The following RC3H2 variants were observed in gnomAD, a reference collection of about 807,000 sequenced individuals.
The protein encoded by RC3H2 is roquin-2.
A neutral mutation model predicts 133.3 loss-of-function variants in RC3H2; 31 were observed. The ratio of observed to expected loss-of-function variants is 0.23; its 90% CI spans 0.17 to 0.31. RC3H2 has a LOEUF of 0.31. RC3H2 is among the 10% of genes least tolerant of loss of function. RC3H2 has a pLI of 1.00. For missense variants in RC3H2, 1,175 were observed against 1,437.2 expected, an observed-to-expected ratio of 0.82 and a Z score of 2.95; for synonymous variants, 517 against 502.2, an observed-to-expected ratio of 1.03 and a Z score of -0.40.
At position 122,854,198 on chromosome 9, in the gene RC3H2, A is replaced by T. The variant is rs1375771015; in HGVS notation, c.2969T>A (p.Leu990His). ...TACAGAGCCTACCTGCTGAAGTTCAAGGCTCAAAAGGTCCCCAGTACTGGA... is the reference window on the plus strand; with the variant it reads ...TACAGAGCCTACCTGCTGAAGTTCATGGCTCAAAAGGTCCCCAGTACTGGA... ...KHSSTGDLLS[L>H]ELQQAKSNSL... Residue 990 changes from leucine (L) to histidine (H), a missense_variant, in exon 17 of 21, where the codon CTT (leucine) becomes CAT (histidine). Transcript: ENST00000357244. 6.2e-7 allele frequency: 1 copy of T among 1,613,934 alleles called. No homozygotes were observed.
At chr9:122,851,967 G>A (rs1830041836) in intron 18 of RC3H2, among the ~76,000 whole-genome samples, 1 of 150,768 alleles carries the variant, frequency 6.6e-6, no homozygotes, top group South Asian at 2.1e-4. Flanking sequence ...CATCGTCTGG[G>A]ATGTGAGGAG....
rs748716263 is a variant in RC3H2, at chr9:122,859,990, A to C, written c.1776T>G (p.His592Gln). 1 of 1,614,198 alleles carries C rather than the reference A, an allele frequency of 6.2e-7. No individual in the cohort carries two copies. The change falls in exon 11 of 21, where the codon CAT becomes CAG. Residue 592 changes from histidine (H) to glutamine (Q), a missense_variant. His to Gln is a conservative substitution (Grantham distance 24). Coordinates refer to ENST00000357244, the MANE Select transcript of RC3H2 (RefSeq NM_001100588.3). ...CTTGAAAATACTGAATGTTTTCAGA[A>C]TGCGGAGGATATACTGGTACTCTAG... ...FLTRVPVYPP[H>Q]SENIQYFQDP...
rs1376780296 is a variant in RC3H2 at position 122,869,222 on chromosome 9, A to G, written c.1326-3565T>C. 3.9e-5 allele frequency among the ~76,000 whole-genome samples: 6 copies of G among 152,196 alleles called. No homozygotes were observed. In the East Asian group the frequency reaches 1.2e-3, roughly 29 times the overall value. ...TGCCTGGCCCCTACAACATTTTTAA[A>G]GCGGTGAAAAATTAAGTTCACGAAC... On this transcript the variant is annotated intron_variant, in intron 9 of 20. Transcript: ENST00000357244.
intron 18 of RC3H2, 53 bp downstream of exon 18, chr9:122,853,899 G>A: frequency 6.2e-7 from 1 of 1,614,178 alleles, no homozygotes; most frequent in South Asian, 1.1e-5. Context: ...CCAAGATGCA[G>A]CAGCAGAAAA....
At chr9:122,857,574 T>C (rs981572180) in intron 13 of RC3H2, among the ~76,000 whole-genome samples, 1 of 152,220 alleles carries the variant, frequency 6.6e-6, no homozygotes, top group Admixed American at 6.5e-5. Context: ...CTAAGGTTTT[T>C]GTGAGAATTA....
In RC3H2 at chr9:122,883,240, A is replaced by G. The variant is rs746450586; in HGVS notation, c.723T>C (p.His241=). 1.9e-6 allele frequency: 3 copies of G among 1,613,782 alleles called. No individual in the cohort carries two copies. Among genetic ancestry groups the G allele is most frequent in the Middle Eastern group, 1.7e-4 (1 of 6,058 alleles). The change falls in exon 5 of 21, where the codon CAT becomes CAC. Residue 241 remains histidine, a synonymous_variant. Transcript: ENST00000357244. ...AAGCTCGATACAGTAGTTGCACAAC[A>G]TGACCAATACTTGTTTTTGATGCCT... ...FPQASKTSIG[H]VVQLLYRASC...
intron 5 of RC3H2, among the ~76,000 whole-genome samples, chr9:122,881,035 G>T (rs1831598086): frequency 6.6e-6 from 1 of 152,156 alleles, no homozygotes; most frequent in Non-Finnish European, 1.5e-5. Context: ...AGAGAAACTT[G>T]TAAGTAGAAA....
chr9:122,904,165 G>GT (rs985169980), intron 1 of RC3H2, among the ~76,000 whole-genome samples: 2 of 152,206 alleles, frequency 1.3e-5, no homozygotes, highest in African/African-American at 2.4e-5. Flanking sequence ...CCCACAATGG[G>GT]TAGGGGGAGA....
intron 4 of RC3H2, among the ~76,000 whole-genome samples, chr9:122,886,811 G>A (rs749233897): frequency 1.1e-4 from 17 of 152,220 alleles, no homozygotes; most frequent in Non-Finnish European, 5.9e-5. Flanking sequence ...GTTAGTCATC[G>A]TGTCTCTTCT....
chr9:122,851,130 C>A lies in RC3H2; in HGVS notation c.3331G>T (p.Glu1111Ter). Reference protein sequence around the residue: ...NGHPVQQHQKEPPKQKKQSLG... With the variant: ...NGHPVQQHQK ...CTCTGTTTCTTCTGCTTTGGTGGCT[C>A]CTTTTGGTGCTGCTGTACTGGATGC... The change falls in exon 20 of 21, where the codon GAG (glutamate) becomes TAG (stop). Residue 1111 changes from glutamate to a stop codon, truncating the protein, a stop_gained. Coordinates refer to ENST00000357244, the MANE Select transcript of RC3H2 (RefSeq NM_001100588.3). LOFTEE classifies it high-confidence loss of function. 2 of 1,614,182 alleles carry A rather than the reference C, an allele frequency of 1.2e-6. No individual in the cohort carries two copies. The highest frequency in any genetic ancestry group is 2.2e-5 in the South Asian group (2 of 91,086).
rs1481287110 is a variant in RC3H2, at chr9:122,879,738, G to A, written c.1212+17C>T. On this transcript the variant is annotated intron_variant, in intron 8 of 20. Coordinates refer to ENST00000357244, the MANE Select transcript of RC3H2 (RefSeq NM_001100588.3). The stretch of plus-strand genomic sequence containing the variant: ...GTTAGAGACAACAGCAGTCAGAAAT[G>A]TAATAAATGTACTTACCTGAGGGGT... The A allele has an allele frequency of 6.6e-7, 1 of 1,509,034 alleles. No homozygotes were observed. The highest frequency in any genetic ancestry group is 9.1e-7 in the Non-Finnish European group (1 of 1,097,446). The allele number at this position is 1,509,034 out of a possible 1,614,324, so 93.5% of individuals were successfully genotyped here.
intron 7 of RC3H2, 21 bp from the exon 8 acceptor site, chr9:122,879,894 C>A (rs966503546): frequency 6.2e-7 from 1 of 1,612,016 alleles, no homozygotes; most frequent in African/African-American, 1.3e-5. Context: ...CCACCAAGGG[C>A]ATGGGGGTTG....
At position 122,868,837 on chromosome 9, in the gene RC3H2, ATATGTGTGTGTGTG is replaced by A. The variant is rs1221070833; in HGVS notation, c.1326-3194_1326-3181del. Among the ~76,000 whole-genome samples the A allele has an allele frequency of 2.1e-3, 255 of 122,928 alleles. 3 individuals are homozygous for A. The East Asian group carries it at 0.041, about 20-fold the overall frequency. 80.6% of individuals were successfully genotyped at this position (122,928 alleles called of 152,430 possible). A position where few individuals can be genotyped will look rare whatever the true frequency, so the allele number is the denominator to read the frequency against. ...ATAATCCTTAACAATATTCCCTCCT[ATATGTGTGTGTGTG>A]TGTGTGTGTGTGTGTGTGTGTGTGT... is the stretch of plus-strand genomic sequence containing the variant. On this transcript the variant is annotated intron_variant, in intron 9 of 20. Transcript: ENST00000357244.
At chr9:122,852,066 G>A (rs1323187624) in intron 18 of RC3H2, among the ~76,000 whole-genome samples, 2 of 151,082 alleles carry the variant, frequency 1.3e-5, no homozygotes, top group East Asian at 3.9e-4. Context: ...GCCTCTTCCC[G>A]GCCGCCATCA....
intron 3 of RC3H2, among the ~76,000 whole-genome samples, chr9:122,892,161 G>A (rs1367985318): frequency 1.3e-5 from 2 of 150,034 alleles, no homozygotes; most frequent in Non-Finnish European, 3.0e-5. Context: ...TGCCCAGGTT[G>A]AGTGCAGTGG....
intron 20 of RC3H2, 149 bp downstream of exon 20, chr9:122,850,932 C>T: frequency 1.2e-6 from 1 of 858,860 alleles, no homozygotes. Context: ...TTCAATTTTA[C>T]TTTTTCTTCC....
intron 18 of RC3H2, among the ~76,000 whole-genome samples, chr9:122,852,386 G>C (rs535781608): frequency 7.0e-6 from 1 of 143,044 alleles, no homozygotes; most frequent in Non-Finnish European, 1.5e-5. Flanking sequence ...CCCGGCAGCC[G>C]CCCCGTCCGG....
chr9:122,901,095 G>A (rs539084839), intron 1 of RC3H2, among the ~76,000 whole-genome samples: 3 of 152,194 alleles, frequency 2.0e-5, no homozygotes, highest in Admixed American at 6.5e-5. Flanking sequence ...TCAGGTCTAC[G>A]GCATCTGATT....
At position 122,890,336 on chromosome 9, in the gene RC3H2, G is replaced by A; in HGVS notation, c.559C>T (p.Arg187Ter). ...CCTGGCCCTAAAAACTGGCATCCTCGAGCCCTGACAGCGGCCCATAGATTG... is the reference window on the plus strand; with the variant it reads ...CCTGGCCCTAAAAACTGGCATCCTCAAGCCCTGACAGCGGCCCATAGATTG... Reference protein sequence around the residue: ...SANLWAAVRARGCQFLGPAMQ... With the variant: ...SANLWAAVRA Residue 187 changes from arginine to a stop codon, truncating the protein, a stop_gained, in exon 4 of 21, where the codon CGA becomes TGA. Transcript: ENST00000357244. LOFTEE classifies it high-confidence loss of function. 2 of 1,614,074 alleles carry A rather than the reference G, an allele frequency of 1.2e-6. No individual in the cohort carries two copies. Among genetic ancestry groups the A allele is most frequent in the Non-Finnish European group, 1.7e-6 (2 of 1,180,018 alleles).
Sources: gnomAD v4.1 joint callset for allele counts (sites outside exome capture counted in the v4.1 genomes callset) on GRCh38, gnomAD v4.1.1 for gene constraint, MANE v1.5 for transcripts, NCBI Gene and HGNC (gene_info 2026-07-23, HGNC 2026-07-21) for gene names.